The following FRMPD4 variants were observed in gnomAD, a reference collection of about 807,000 sequenced individuals.
The protein encoded by FRMPD4 is FERM and PDZ domain containing 4.
Under a neutral mutation model 94.1 loss-of-function variants are expected in FRMPD4, and 22 were observed. The ratio of observed to expected loss-of-function variants is 0.23; its 90% CI spans 0.17 to 0.33. FRMPD4 has a LOEUF of 0.33. FRMPD4 is among the 10% of genes least tolerant of loss of function. The probability of loss-of-function intolerance (pLI) is 1.00; values close to 1 mark genes in which losing one functional copy is unlikely to be tolerated. For synonymous variants in FRMPD4, 631 were observed against 548.6 expected, an observed-to-expected ratio of 1.15 and a Z score of -2.10; for missense variants, 1,111 against 1,339.9, an observed-to-expected ratio of 0.83 and a Z score of 2.67.
chrX:11,861,428 T>A (rs1466477249), intron 1 of FRMPD4, among the ~76,000 whole-genome samples: 2 of 111,172 alleles, frequency 1.8e-5, no homozygotes, highest in Admixed American at 1.9e-4. Context: ...CTCATAAAAT[T>A]AAAAGAAAAT....
intron 2 of FRMPD4, among the ~76,000 whole-genome samples, chrX:12,604,912 C>T (rs368157295): frequency 1.5e-4 from 17 of 111,943 alleles, no homozygotes; most frequent in African/African-American, 4.5e-4. Context: ...GAGACCATTC[C>T]AGCCAATGCT....
chrX:11,906,723 T>A (rs2053970437), intron 3 of FRMPD4, among the ~76,000 whole-genome samples: 2 of 110,213 alleles, frequency 1.8e-5, no homozygotes, highest in African/African-American at 6.6e-5. Flanking sequence ...TACTTGGGGT[T>A]TCTTAAGCTT....
intron 3 of FRMPD4, among the ~76,000 whole-genome samples, chrX:12,034,218 G>A (rs2054707809): frequency 8.9e-6 from 1 of 112,209 alleles, no homozygotes; most frequent in African/African-American, 3.2e-5. Context: ...CATTTAAGAA[G>A]ACTGTCCTGG....
Position 12,082,096 on chromosome X carries a change from G to A in FRMPD4, c.95+204078G>A, listed in dbSNP as rs148056034. On this transcript the variant is annotated intron_variant, in intron 3 of 18. Transcript: ENST00000640291. The stretch of plus-strand genomic sequence containing the variant: ...TGTTTATTGTGTCTTTGAAAATGTC[G>A]AATTGTGTTTCTCTGTGGTTGTGTG... 4.0e-3 allele frequency among the ~76,000 whole-genome samples: 449 copies of A among 111,622 alleles called. 3 individuals carry two copies. Among genetic ancestry groups the A allele is most frequent in the African/African-American group, 0.014 (428 of 30,734 alleles).
chrX:12,706,685 C>T, intron 11 of FRMPD4, 141 bp from the exon 12 acceptor site: 1 of 388,134 alleles, frequency 2.6e-6, no homozygotes, highest in Non-Finnish European at 4.6e-6. Flanking sequence ...AATTTTATTC[C>T]TAATGAATAG....
At chrX:12,332,115 AAT>A (rs1274412482) in intron 1 of FRMPD4, among the ~76,000 whole-genome samples, 3 of 80,287 alleles carry the variant, frequency 3.7e-5, no homozygotes, top group East Asian at 3.7e-4. Flanking sequence ...TATTATATAT[AAT>A]TTATATTTTA....
intron 2 of FRMPD4, among the ~76,000 whole-genome samples, chrX:12,564,080 T>C (rs1424574857): frequency 8.9e-6 from 1 of 111,953 alleles, no homozygotes; most frequent in Non-Finnish European, 1.9e-5. Flanking sequence ...CTTCTCATTG[T>C]ATCCTCACAT....
chrX:12,382,488 T>C (rs903954456), intron 1 of FRMPD4, among the ~76,000 whole-genome samples: 1 of 88,970 alleles, frequency 1.1e-5, no homozygotes, highest in Admixed American at 1.3e-4. Context: ...TAGCATAGCA[T>C]AGCATAGCAT....
chrX:12,218,751 C>A (rs1263946406), intron 1 of FRMPD4, among the ~76,000 whole-genome samples: 1 of 111,922 alleles, frequency 8.9e-6, no homozygotes, highest in African/African-American at 3.2e-5. Flanking sequence ...AACTATGCCC[C>A]AGGTTCTGAA....
chrX:11,864,411 G>C (rs1230572172), intron 1 of FRMPD4, among the ~76,000 whole-genome samples: 1 of 109,384 alleles, frequency 9.1e-6, no homozygotes, highest in Non-Finnish European at 1.9e-5. Context: ...GAGCCCACAA[G>C]ACTAAGCCAA....
At chrX:12,191,329 A>G (rs1247630488) in intron 1 of FRMPD4, among the ~76,000 whole-genome samples, 2 of 112,072 alleles carry the variant, frequency 1.8e-5, no homozygotes, top group East Asian at 2.8e-4. Flanking sequence ...TTTAGAAGAC[A>G]TTTTGGCATT....
intron 1 of FRMPD4, among the ~76,000 whole-genome samples, chrX:12,442,752 A>G (rs929697732): frequency 1.8e-5 from 2 of 112,021 alleles, no homozygotes; most frequent in Non-Finnish European, 3.8e-5. Context: ...AGTGAGATGT[A>G]AACAATGTCC....
At chrX:12,224,168 T>TACATTCAAAGG (rs2056898523) in intron 1 of FRMPD4, among the ~76,000 whole-genome samples, 1 of 111,840 alleles carries the variant, frequency 8.9e-6, no homozygotes. Flanking sequence ...CAAATTGATA[T>TACATTCAAAGG]ACATTCAAAG....
chrX:12,429,098 G>A (rs1389167216), intron 1 of FRMPD4, among the ~76,000 whole-genome samples: 2 of 111,512 alleles, frequency 1.8e-5, no homozygotes, highest in Admixed American at 1.9e-4. Context: ...CTGTGTCAGG[G>A]GAAGGGAGCT....
chrX:12,563,239 T>TACACAC (rs369700317), intron 2 of FRMPD4, among the ~76,000 whole-genome samples: 41,366 of 96,746 alleles, frequency 0.43, 7,505 homozygotes, highest in Non-Finnish European at 0.51. Context: ...TGTAAGTGTG[T>TACACAC]ACACACACAC....
intron 1 of FRMPD4, among the ~76,000 whole-genome samples, chrX:12,443,474 C>T (rs1289398359): frequency 8.9e-6 from 1 of 111,867 alleles, no homozygotes; most frequent in Non-Finnish European, 1.9e-5. Flanking sequence ...TTCAGTTTTA[C>T]ACTCACAGTA....
intron 1 of FRMPD4, among the ~76,000 whole-genome samples, chrX:12,388,084 C>T (rs1381170812): frequency 9.0e-6 from 1 of 110,499 alleles, no homozygotes; most frequent in African/African-American, 3.3e-5. Flanking sequence ...ATAATGAAAA[C>T]TTCCGGGGAG....
At chrX:12,072,888 G>A (rs1440814443) in intron 3 of FRMPD4, among the ~76,000 whole-genome samples, 1 of 109,587 alleles carries the variant, frequency 9.1e-6, no homozygotes, top group East Asian at 2.8e-4. Flanking sequence ...ACCTGAGGGT[G>A]TGTATTTTTT....
intron 1 of FRMPD4, among the ~76,000 whole-genome samples, chrX:12,350,229 T>A (rs926398734): frequency 5.4e-5 from 6 of 111,986 alleles, no homozygotes; most frequent in Admixed American, 1.9e-4. Context: ...GAGAAATATT[T>A]TCCTTTTGTT....
Sources: allele counts gnomAD v4.1 joint callset (sites outside exome capture counted in the v4.1 genomes callset), GRCh38; gene constraint gnomAD v4.1.1; transcripts MANE v1.5; gene names NCBI Gene and HGNC (gene_info 2026-07-23, HGNC 2026-07-21).